GTF2F2: variants seen among roughly 807,000 people sequenced by gnomAD.
The protein encoded by GTF2F2 is general transcription factor IIF subunit 2, also known as ATP-dependent helicase GTF2F2.
A neutral mutation model predicts 42.2 loss-of-function variants in GTF2F2; 23 were observed. That is an observed-to-expected ratio of 0.55 (90% CI 0.39 to 0.77). GTF2F2 has a LOEUF of 0.77. GTF2F2 is among the 30% of genes least tolerant of loss of function. The pLI, the probability that GTF2F2 is intolerant of heterozygous loss-of-function variation, is 0.00. For synonymous variants in GTF2F2, 105 were observed against 100.8 expected (o/e 1.04, Z -0.25); for missense variants, 261 against 287.2 (o/e 0.91, Z 0.66).
At chr13:45,186,315 A>T (rs1425616116) in intron 4 of GTF2F2, among the ~76,000 whole-genome samples, 3 of 145,262 alleles carry the variant, frequency 2.1e-5, no homozygotes, top group Non-Finnish European at 4.5e-5. Flanking sequence ...TTTTTGAGAC[A>T]GAGTCTGGCC....
rs561622486 is a variant in GTF2F2 at position 45,234,295 on chromosome 13, A to C, written c.387-18576A>C. Among the ~76,000 whole-genome samples the C allele has an allele frequency of 3.3e-5, 5 of 152,340 alleles. No homozygotes were observed. The South Asian group carries it at 1.0e-3, about 32-fold the overall frequency. ...CCTTGCATTTTGTAGTTTTTATAGG[A>C]TATAAAATAAGTGACTGAAACATAA... On this transcript the variant is annotated intron_variant, in intron 5 of 7. Coordinates refer to ENST00000340473, the MANE Select transcript of GTF2F2 (RefSeq NM_004128.3).
In GTF2F2 at chr13:45,122,459, C is replaced by T. The variant is rs562459590; in HGVS notation, c.66+1738C>T. ...GACCAGCCTGGCCAATATGGTGAAA[C>T]CCCATCTCTACTAAAAATACAAAAA... On this transcript the variant is annotated intron_variant, in intron 1 of 7. Transcript: ENST00000340473. Among the ~76,000 whole-genome samples, 11 of 148,690 alleles carry T rather than the reference C, an allele frequency of 7.4e-5. 1 individual carries two copies. In the South Asian group the frequency reaches 2.1e-3, roughly 28 times the overall value.
chr13:45,176,895 A>G (rs1040530477), intron 4 of GTF2F2, among the ~76,000 whole-genome samples: 4 of 151,644 alleles, frequency 2.6e-5, no homozygotes, highest in Non-Finnish European at 5.9e-5. Flanking sequence ...AAGCGATTCT[A>G]CTGCCTCAGC....
In GTF2F2 at chr13:45,207,403, CCTT is replaced by C; in HGVS notation, c.305-20_305-18del. 6.8e-7 allele frequency: 1 copy of C among 1,463,636 alleles called. No homozygotes were observed. Among genetic ancestry groups the C allele is most frequent in the Middle Eastern group, 1.7e-4 (1 of 5,736 alleles). 90.7% of individuals were successfully genotyped at this position (1,463,636 alleles called of 1,614,324 possible). A position where few individuals can be genotyped will look rare whatever the true frequency, so the allele number is the denominator to read the frequency against. ...AAAATGATAAGTATTATCTCTGAATCCTTTTTTTTTTCCATTCAAGATAAGCTG... is the reference window on the plus strand; with the variant it reads ...AAAATGATAAGTATTATCTCTGAATCTTTTTTTTCCATTCAAGATAAGCTG... On this transcript the variant is annotated intron_variant, in intron 4 of 7. Coordinates refer to ENST00000340473, the MANE Select transcript of GTF2F2 (RefSeq NM_004128.3).
intron 6 of GTF2F2, among the ~76,000 whole-genome samples, chr13:45,255,991 C>T (rs1876088145): frequency 6.6e-6 from 1 of 151,952 alleles, no homozygotes; most frequent in Non-Finnish European, 1.5e-5. Context: ...GACCAGTGCT[C>T]AATGATATAT....
Position 45,120,749 on chromosome 13 carries a change from C to T in GTF2F2, c.66+28C>T, listed in dbSNP as rs369440500. 9 of 1,479,178 alleles carry T rather than the reference C, an allele frequency of 6.1e-6. No homozygotes were observed. In the African/African-American group the frequency reaches 1.1e-4, roughly 18 times the overall value. The allele number at this position is 1,479,178 out of a possible 1,614,324, so 91.6% of individuals were successfully genotyped here. On this transcript the variant is annotated intron_variant, in intron 1 of 7. Transcript: ENST00000340473. Reference sequence around the variant, plus strand: ...AATGTTCGCGAGTCTCCCACTTGCGCTCCTCCTAACACAAGTATAGTTTAA... The same window carrying T: ...AATGTTCGCGAGTCTCCCACTTGCGTTCCTCCTAACACAAGTATAGTTTAA...
chr13:45,151,284 A>G (rs1478164043), intron 3 of GTF2F2, among the ~76,000 whole-genome samples: 1 of 152,144 alleles, frequency 6.6e-6, no homozygotes, highest in Non-Finnish European at 1.5e-5. Flanking sequence ...CAGCTGCATC[A>G]TTGCTGCAAA....
chr13:45,129,738 A>G (rs1869236541), intron 1 of GTF2F2, among the ~76,000 whole-genome samples: 1 of 151,146 alleles, frequency 6.6e-6, no homozygotes, highest in Non-Finnish European at 1.5e-5. Context: ...GATACGTTCT[A>G]ATTAGATTAC....
chr13:45,279,146 C>T (rs1199197631), intron 7 of GTF2F2, among the ~76,000 whole-genome samples: 1 of 152,174 alleles, frequency 6.6e-6, no homozygotes, highest in Non-Finnish European at 1.5e-5. Flanking sequence ...TCTTTGCCCC[C>T]ATCCTCTGCA....
At chr13:45,165,904 C>T (rs1160297376) in intron 4 of GTF2F2, among the ~76,000 whole-genome samples, 1 of 143,526 alleles carries the variant, frequency 7.0e-6, no homozygotes, top group East Asian at 2.1e-4. Flanking sequence ...ACCTCTGTCT[C>T]CCAGGTTCAA....
At chr13:45,146,182 G>A (rs1294391420) in intron 2 of GTF2F2, among the ~76,000 whole-genome samples, 2 of 152,084 alleles carry the variant, frequency 1.3e-5, no homozygotes, top group African/African-American at 4.8e-5. Context: ...CAGTTGTTCA[G>A]TTAGGGGAAG....
At position 45,125,479 on chromosome 13, in the gene GTF2F2, C is replaced by G. The variant is rs568560972; in HGVS notation, c.66+4758C>G. On this transcript the variant is annotated intron_variant, in intron 1 of 7. Coordinates refer to ENST00000340473, the MANE Select transcript of GTF2F2 (RefSeq NM_004128.3). ...GGGCTACAGGCGCGGGCCACCACAC[C>G]CAGCTAATTTTTGTATTTTTAGTAG... Among the ~76,000 whole-genome samples, 6 of 152,206 alleles carry G rather than the reference C, an allele frequency of 3.9e-5. No homozygotes were observed. The East Asian group carries it at 7.7e-4, about 20-fold the overall frequency.
rs551539616 is a variant in GTF2F2, at chr13:45,182,121, T to TA, written c.305-25302dup. On this transcript the variant is annotated intron_variant, in intron 4 of 7. Coordinates refer to ENST00000340473, the MANE Select transcript of GTF2F2 (RefSeq NM_004128.3). ...GTCTCTCTTCCAGCTTCCACCAGTT[T>TA]AGTTTTTTAGACTACATTTCACTTT... Among the ~76,000 whole-genome samples the TA allele has an allele frequency of 3.3e-5, 5 of 152,208 alleles. No homozygotes were observed. The South Asian group carries it at 8.3e-4, about 25-fold the overall frequency.
intron 4 of GTF2F2, among the ~76,000 whole-genome samples, chr13:45,192,664 C>T (rs1367634284): frequency 6.6e-6 from 1 of 152,110 alleles, no homozygotes; most frequent in Non-Finnish European, 1.5e-5. Context: ...TTCATTGAAA[C>T]GGCCATACAT....
chr13:45,278,663 G>C (rs959978075), intron 7 of GTF2F2, among the ~76,000 whole-genome samples: 1 of 151,990 alleles, frequency 6.6e-6, no homozygotes, highest in African/African-American at 2.4e-5. Context: ...CAGAATTGCT[G>C]TTCAAATCGA....
chr13:45,162,647 A>C (rs563557009), intron 4 of GTF2F2, among the ~76,000 whole-genome samples: 1 of 152,228 alleles, frequency 6.6e-6, no homozygotes, highest in Non-Finnish European at 1.5e-5. Flanking sequence ...CACTCTTCAT[A>C]TTCAGGTATT....
chr13:45,211,710 C>T (rs1873651607), intron 5 of GTF2F2, among the ~76,000 whole-genome samples: 1 of 152,060 alleles, frequency 6.6e-6, no homozygotes, highest in African/African-American at 2.4e-5. Context: ...GCCTCAGCCT[C>T]CCAAGTAGCT....
intron 5 of GTF2F2, among the ~76,000 whole-genome samples, chr13:45,237,218 C>A (rs571385176): frequency 1.3e-5 from 2 of 152,120 alleles, no homozygotes; most frequent in African/African-American, 4.8e-5. Context: ...ATAATTAGCA[C>A]TTCCATGAAC....
intron 7 of GTF2F2, among the ~76,000 whole-genome samples, chr13:45,274,901 G>A (rs965215624): frequency 6.6e-6 from 1 of 151,530 alleles, no homozygotes; most frequent in Non-Finnish European, 1.5e-5. Flanking sequence ...GACAGAGGGA[G>A]ACCCTGTCTC....
Sources: allele counts gnomAD v4.1 joint callset (sites outside exome capture counted in the v4.1 genomes callset), GRCh38; gene constraint gnomAD v4.1.1; transcripts MANE v1.5; gene names NCBI Gene and HGNC (gene_info 2026-07-23, HGNC 2026-07-21).